TASP1: variants seen among roughly 807,000 people sequenced by gnomAD.
TASP1 encodes the protein threonine aspartase 1.
A neutral mutation model predicts 56.6 loss-of-function variants in TASP1; 16 were observed. That is an observed-to-expected ratio of 0.28 (90% CI 0.19 to 0.43). TASP1 has a LOEUF of 0.43. TASP1 is among the 20% of genes least tolerant of loss of function. TASP1 has a pLI of 1.00. For synonymous variants in TASP1, 179 were observed against 184.2 expected (o/e 0.97, Z 0.23); for missense variants, 393 against 511.6 (o/e 0.77, Z 2.24).
intron 4 of TASP1, among the ~76,000 whole-genome samples, chr20:13,617,842 C>T (rs914332004): frequency 6.6e-6 from 1 of 152,020 alleles, no homozygotes; most frequent in African/African-American, 2.4e-5. Context: ...TCGGCCCTTC[C>T]CAATGTCCCC....
Position 13,559,094 on chromosome 20 carries a change from T to C in TASP1, c.589A>G (p.Lys197Glu). 6.3e-7 allele frequency: 1 copy of C among 1,579,654 alleles called. No individual in the cohort carries two copies. Among genetic ancestry groups the C allele is most frequent in the Non-Finnish European group, 8.6e-7 (1 of 1,161,838 alleles). ...MTTRFSLAAF[K>E]RNKRKLELAE... The stretch of plus-strand genomic sequence containing the variant: ...AGCTCTAGTTTCCTCTTGTTTCTTT[T>C]AAATGCAGCTAAACTGAATCCTATA... Residue 197 changes from lysine (K) to glutamate (E), a missense_variant, in exon 8 of 14, where the codon AAA (lysine) becomes GAA (glutamate). Lys to Glu is a moderately conservative substitution (Grantham distance 56). Transcript: ENST00000337743.
intron 9 of TASP1, among the ~76,000 whole-genome samples, chr20:13,529,929 ATTCTG>A (rs1226296521): frequency 6.6e-6 from 1 of 152,182 alleles, no homozygotes; most frequent in Non-Finnish European, 1.5e-5. Flanking sequence ...GTGGGAACAC[ATTCTG>A]TTTACGGACA....
the TASP1 span, among the ~76,000 whole-genome samples, chr20:13,351,499 C>G: frequency 6.6e-6 from 1 of 152,208 alleles, no homozygotes; most frequent in Non-Finnish European, 1.5e-5. Flanking sequence ...TCAGACAGAT[C>G]TTAAAGGCAT....
At chr20:13,432,501 C>A (rs761869514) in intron 12 of TASP1, among the ~76,000 whole-genome samples, 15 of 152,126 alleles carry the variant, frequency 9.9e-5, no homozygotes, top group Admixed American at 2.6e-4. Flanking sequence ...TATTTTCTTA[C>A]CAAATACTTC....
the TASP1 span, among the ~76,000 whole-genome samples, chr20:13,275,523 GCAC>G: frequency 6.6e-5 from 10 of 152,304 alleles, no homozygotes; most frequent in Admixed American, 6.5e-4. Context: ...TTGGGATCAG[GCAC>G]CACCATTTAG....
At chr20:13,326,532 A>ATT in the TASP1 span, among the ~76,000 whole-genome samples, 22 of 151,796 alleles carry the variant, frequency 1.4e-4, no homozygotes, top group Middle Eastern at 3.4e-3. Context: ...CTTGGTATGA[A>ATT]TTTTTTTTAT....
chr20:13,109,671 C>T, the TASP1 span, among the ~76,000 whole-genome samples: 2 of 152,152 alleles, frequency 1.3e-5, no homozygotes, highest in Non-Finnish European at 2.9e-5. Context: ...AATCAAGGCT[C>T]AAAGTGTAGG....
the TASP1 span, among the ~76,000 whole-genome samples, chr20:13,276,614 C>T: frequency 6.6e-6 from 1 of 152,112 alleles, no homozygotes; most frequent in Non-Finnish European, 1.5e-5. Context: ...TAAGACACTT[C>T]AATTATGTGT....
At chr20:13,112,480 C>T in the TASP1 span, among the ~76,000 whole-genome samples, 1 of 152,178 alleles carries the variant, frequency 6.6e-6, no homozygotes. Context: ...GAGGCCAGCC[C>T]CGATTCAAAA....
chr20:13,471,810 T>C (rs1166281751), intron 11 of TASP1, among the ~76,000 whole-genome samples: 2 of 152,106 alleles, frequency 1.3e-5, no homozygotes, highest in East Asian at 1.9e-4. Flanking sequence ...GTTCATCTCA[T>C]TGGGACTACT....
At chr20:13,312,350 T>A in the TASP1 span, among the ~76,000 whole-genome samples, 1 of 152,296 alleles carries the variant, frequency 6.6e-6, no homozygotes, top group African/African-American at 2.4e-5. Context: ...TATGGAAATG[T>A]CGTGGGTGAG....
chr20:13,161,983 T>C, the TASP1 span, among the ~76,000 whole-genome samples: 1 of 152,196 alleles, frequency 6.6e-6, no homozygotes, highest in African/African-American at 2.4e-5. Context: ...TGAGTGAACT[T>C]TGTTTTCTTT....
chr20:13,542,521 A>G (rs1479507610), intron 8 of TASP1, among the ~76,000 whole-genome samples: 1 of 152,176 alleles, frequency 6.6e-6, no homozygotes, highest in East Asian at 1.9e-4. Flanking sequence ...TTGATTTTAT[A>G]GCACTGACAG....
At chr20:13,119,301 C>T in the TASP1 span, among the ~76,000 whole-genome samples, 7,270 of 152,210 alleles carry the variant, frequency 0.048, 603 homozygotes, top group African/African-American at 0.16. Context: ...GTGGATGTCA[C>T]ATTTTTCCCC....
chr20:13,396,025 A>G (rs1199071901), intron 13 of TASP1, among the ~76,000 whole-genome samples: 1 of 152,090 alleles, frequency 6.6e-6, no homozygotes, highest in Non-Finnish European at 1.5e-5. Context: ...TAGTGCCACA[A>G]ACGTGATACA....
the TASP1 span, among the ~76,000 whole-genome samples, chr20:13,207,510 C>T: frequency 6.6e-6 from 1 of 152,162 alleles, no homozygotes; most frequent in African/African-American, 2.4e-5. Flanking sequence ...CAGGCTGGGA[C>T]GTCCTGCAAT....
the TASP1 span, among the ~76,000 whole-genome samples, chr20:13,333,228 T>A: frequency 6.6e-6 from 1 of 152,210 alleles, no homozygotes; most frequent in Non-Finnish European, 1.5e-5. Flanking sequence ...GATTCTGCAC[T>A]TTTCATTTGT....
chr20:13,596,975 T>G (rs1309584359), intron 4 of TASP1, among the ~76,000 whole-genome samples: 1 of 152,104 alleles, frequency 6.6e-6, no homozygotes, highest in Non-Finnish European at 1.5e-5. Flanking sequence ...CTCCCAAGAC[T>G]AAACCTGGAA....
chr20:13,336,748 AT>A, the TASP1 span, among the ~76,000 whole-genome samples: 38 of 150,518 alleles, frequency 2.5e-4, no homozygotes, highest in East Asian at 2.0e-3. Flanking sequence ...AAAAAGTGAG[AT>A]TTTTTTTTTG....
Sources: allele counts gnomAD v4.1 joint callset (sites outside exome capture counted in the v4.1 genomes callset), GRCh38; gene constraint gnomAD v4.1.1; transcripts MANE v1.5; gene names NCBI Gene and HGNC (gene_info 2026-07-23, HGNC 2026-07-21).